NEBL: variants seen among roughly 807,000 people sequenced by gnomAD.
The protein encoded by NEBL is LIM and SH3 protein 2.
NEBL carries 122 observed loss-of-function variants against 140.2 expected under a neutral mutation model. The ratio of observed to expected loss-of-function variants is 0.87; its 90% CI spans 0.75 to 1.01. NEBL has a LOEUF of 1.01. Among genes scored for constraint, NEBL ranks in the 50% least tolerant of loss-of-function variants. The probability of loss-of-function intolerance (pLI) is 0.00; values close to 1 mark genes in which losing one functional copy is unlikely to be tolerated. For missense variants in NEBL, 1,365 were observed against 1,231.3 expected, an observed-to-expected ratio of 1.11 and a Z score of -1.62; for synonymous variants, 436 against 398.9, an observed-to-expected ratio of 1.09 and a Z score of -1.11.
chr10:21,191,945 T>G (rs1217606798), intron 3 of NEBL, among the ~76,000 whole-genome samples: 2 of 152,086 alleles, frequency 1.3e-5, no homozygotes, highest in Non-Finnish European at 2.9e-5. Flanking sequence ...TAAAACAAAG[T>G]TTTTAGAATA....
At chr10:20,811,379 C>T (rs564177989) in intron 24 of NEBL, among the ~76,000 whole-genome samples, 57 of 152,242 alleles carry the variant, frequency 3.7e-4, no homozygotes, top group African/African-American at 1.3e-3. Context: ...GCAGTTCCAC[C>T]CTAAGTGAGA....
intron 4 of NEBL, among the ~76,000 whole-genome samples, chr10:20,960,944 G>GTTAAT (rs1279040962): frequency 6.6e-6 from 1 of 152,064 alleles, no homozygotes. Flanking sequence ...TCACACATCT[G>GTTAAT]TTAATTTTCA....
intron 3 of NEBL, among the ~76,000 whole-genome samples, chr10:20,971,087 AC>A (rs1383043420): frequency 1.3e-5 from 2 of 152,202 alleles, no homozygotes; most frequent in African/African-American, 4.8e-5. Context: ...GTTTAACACA[AC>A]CTACATTTCA....
Position 21,077,603 on chromosome 10 carries a change from T to C in NEBL, c.165-57402A>G, listed in dbSNP as rs541883219. 4.2e-4 allele frequency among the ~76,000 whole-genome samples: 64 copies of C among 152,014 alleles called. No individual in the cohort carries two copies. In the South Asian group the frequency reaches 9.1e-3, roughly 22 times the overall value. On this transcript the variant is annotated intron_variant, in intron 2 of 6. Transcript: ENST00000417816. ...GCCTGGGCGACAGAGCAAGACTTCA[T>C]CTCAAAAAAAATAAAAATAAAAATA...
chr10:21,266,332 G>A (rs1347714648), intron 1 of NEBL, among the ~76,000 whole-genome samples: 1 of 152,070 alleles, frequency 6.6e-6, no homozygotes, highest in Non-Finnish European at 1.5e-5. Context: ...GGTAGAGACA[G>A]AGTTTCGCCA....
intron 2 of NEBL, among the ~76,000 whole-genome samples, chr10:21,050,613 C>T (rs948532511): frequency 2.0e-5 from 3 of 152,076 alleles, no homozygotes; most frequent in South Asian, 2.1e-4. Flanking sequence ...ACGGGTGCAG[C>T]GTGGGCGTTT....
At chr10:20,954,702 C>A (rs1835695951) in intron 4 of NEBL, among the ~76,000 whole-genome samples, 1 of 152,150 alleles carries the variant, frequency 6.6e-6, no homozygotes, top group Admixed American at 6.5e-5. Context: ...GAGGAGGGGG[C>A]CTGGCTCCCC....
intron 3 of NEBL, among the ~76,000 whole-genome samples, chr10:20,965,621 G>A (rs2131626167): frequency 6.6e-6 from 1 of 152,316 alleles, no homozygotes; most frequent in East Asian, 1.9e-4. Flanking sequence ...TCTTCCCTGT[G>A]GGTCATGGGG....
chr10:20,851,279 T>C (rs1052643087), intron 10 of NEBL, among the ~76,000 whole-genome samples: 19 of 152,150 alleles, frequency 1.2e-4, no homozygotes, highest in Admixed American at 3.9e-4. Context: ...ATAATATCTA[T>C]ACAATTATTT....
intron 3 of NEBL, among the ~76,000 whole-genome samples, chr10:21,184,206 G>T (rs1841429394): frequency 6.6e-6 from 1 of 152,130 alleles, no homozygotes; most frequent in Non-Finnish European, 1.5e-5. Context: ...CTATTTCTCT[G>T]ATCATTTTCC....
intron 2 of NEBL, among the ~76,000 whole-genome samples, chr10:21,089,693 A>G (rs11012521): frequency 0.13 from 19,249 of 152,076 alleles, 1,344 homozygotes; most frequent in African/African-American, 0.17. Flanking sequence ...GGAAGCGGGG[A>G]GGCAGAGGCA....
intron 4 of NEBL, among the ~76,000 whole-genome samples, chr10:20,937,833 C>A (rs1240996457): frequency 6.6e-6 from 1 of 152,090 alleles, no homozygotes. Flanking sequence ...CATGGAGCCT[C>A]GCTCATTGCT....
At chr10:20,976,320 C>T (rs144262167) in intron 3 of NEBL, among the ~76,000 whole-genome samples, 3,922 of 147,242 alleles carry the variant, frequency 0.027, 81 homozygotes, top group African/African-American at 0.055. Context: ...CCAGCCTGGG[C>T]GACTGAGACT....
intron 4 of NEBL, among the ~76,000 whole-genome samples, chr10:20,925,115 G>C (rs981605725): frequency 6.6e-6 from 1 of 151,930 alleles, no homozygotes; most frequent in South Asian, 2.1e-4. Context: ...GATCCCCCAG[G>C]CTCCTTTTGT....
At chr10:20,860,223 G>C (rs1301131722) in intron 7 of NEBL, among the ~76,000 whole-genome samples, 2 of 151,966 alleles carry the variant, frequency 1.3e-5, no homozygotes, top group East Asian at 1.9e-4. Flanking sequence ...TTTCCTAAGG[G>C]AATTATTCCA....
At chr10:20,983,167 C>T (rs1336060402) in intron 3 of NEBL, among the ~76,000 whole-genome samples, 1 of 152,144 alleles carries the variant, frequency 6.6e-6, no homozygotes, top group Non-Finnish European at 1.5e-5. Flanking sequence ...TGTCTCTTCA[C>T]TTAGGAAGTG....
intron 4 of NEBL, among the ~76,000 whole-genome samples, chr10:20,882,391 C>T (rs544532405): frequency 2.0e-5 from 3 of 151,920 alleles, no homozygotes; most frequent in Admixed American, 6.6e-5. Flanking sequence ...AAAAGAAAAA[C>T]TAGAACAGGC....
chr10:21,037,207 C>A (rs1257521221), intron 2 of NEBL, among the ~76,000 whole-genome samples: 12 of 124,112 alleles, frequency 9.7e-5, no homozygotes, highest in Non-Finnish European at 1.4e-4. Context: ...ACCATCCAGT[C>A]ATTTAAGAAA....
rs181713525 is a variant in NEBL at position 21,258,287 on chromosome 10, G to A, written n.183-6459C>T. Among the ~76,000 whole-genome samples the A allele has an allele frequency of 1.9e-3, 289 of 152,308 alleles. 3 individuals are homozygous for A. The highest frequency in any genetic ancestry group is 4.7e-4 in the Non-Finnish European group (32 of 68,030). ...CACTGCTATAGAAAACAGAGGTTGA[G>A]GCTGGGTGCAGTGGCTTATGCCTGT... On this transcript the variant is annotated intron_variant and non_coding_transcript_variant, in intron 1 of 8. Transcript: ENST00000675702.
Sources: allele counts gnomAD v4.1 joint callset (sites outside exome capture counted in the v4.1 genomes callset), GRCh38; gene constraint gnomAD v4.1.1; transcripts MANE v1.5; gene names NCBI Gene and HGNC (gene_info 2026-07-23, HGNC 2026-07-21).